Variants in LAMTOR2 observed in about 807,000 individuals in gnomAD.
LAMTOR2 encodes ragulator complex protein LAMTOR2.
LAMTOR2 carries 4 observed loss-of-function variants against 15.8 expected under a neutral mutation model. The ratio of observed to expected loss-of-function variants is 0.25; its 90% confidence interval spans 0.12 to 0.58. The LOEUF (loss-of-function observed/expected upper bound fraction) is 0.58, where lower values mean the gene tolerates loss of function less well. Among genes scored for constraint, LAMTOR2 ranks in the 20% least tolerant of loss-of-function variants. The pLI, the probability that LAMTOR2 is intolerant of heterozygous loss-of-function variation, is 0.91. For missense variants in LAMTOR2, 100 were observed against 161.0 expected, an observed-to-expected ratio of 0.62 and a Z score of 2.05; for synonymous variants, 62 against 64.1, an observed-to-expected ratio of 0.97 and a Z score of 0.15.
At position 156,058,286 on chromosome 1, in the gene LAMTOR2, C is replaced by T. The variant is rs374439956; in HGVS notation, c.322-29C>T. On this transcript the variant is annotated intron_variant, in intron 3 of 3. Coordinates refer to ENST00000368305, the MANE Select transcript of LAMTOR2 (RefSeq NM_014017.4). ...GGGGTCCCTAATGCCAGGCTGTGTG[C>T]GGGACTGATCTCTGTTCTCCCTCTG... 43 of 1,613,718 alleles carry T rather than the reference C, an allele frequency of 2.7e-5. No homozygotes were observed. In the Admixed American group the frequency reaches 4.8e-4, roughly 18 times the overall value.
chr1:156,056,262 A>G (rs1261374914), intron 2 of LAMTOR2, among the ~76,000 whole-genome samples: 3 of 152,184 alleles, frequency 2.0e-5, no homozygotes, highest in Non-Finnish European at 2.9e-5. Context: ...TTGGCCTCCC[A>G]AAGTGCTGGG....
chr1:156,058,091 T>C (rs745729015), intron 3 of LAMTOR2, 24 bp downstream of exon 3: 2 of 1,608,150 alleles, frequency 1.2e-6, no homozygotes, highest in East Asian at 4.5e-5. Flanking sequence ...CATCCCTCCA[T>C]AGCCCTGGGC....
intron 2 of LAMTOR2, among the ~76,000 whole-genome samples, chr1:156,056,874 A>C (rs1647387332): frequency 6.6e-6 from 1 of 152,122 alleles, no homozygotes; most frequent in Non-Finnish European, 1.5e-5. Flanking sequence ...ACCACAACCC[A>C]GCCATAAGAA....
In LAMTOR2 at chr1:156,057,505, CTTA is replaced by C. The variant is rs900621746; in HGVS notation, c.232-472_232-470del. ...TTGGTTTTTAATGCTGATCAACCTTCTTAATTTATCTCCTAACTGTGGGGTCAA... is the reference window on the plus strand; with the variant it reads ...TTGGTTTTTAATGCTGATCAACCTTCATTTATCTCCTAACTGTGGGGTCAA... On this transcript the variant is annotated intron_variant, in intron 2 of 3. Transcript: ENST00000368305. Among the ~76,000 whole-genome samples, 293 of 79,134 alleles carry C rather than the reference CTTA, an allele frequency of 3.7e-3. 2 individuals carry two copies. The highest frequency in any genetic ancestry group is 0.018 in the African/African-American group (280 of 15,466). 51.9% of individuals were successfully genotyped at this position (79,134 alleles called of 152,430 possible). A position where few individuals can be genotyped will look rare whatever the true frequency, so the allele number is the denominator to read the frequency against.
At chr1:156,056,728 G>C (rs1382642331) in intron 2 of LAMTOR2, among the ~76,000 whole-genome samples, 1 of 152,110 alleles carries the variant, frequency 6.6e-6, no homozygotes, top group Non-Finnish European at 1.5e-5. Flanking sequence ...GAACTCTCCA[G>C]GAAGGATCTT....
At chr1:156,058,113 G>A in intron 3 of LAMTOR2, 46 bp downstream of exon 3, 1 of 1,583,368 alleles carries the variant, frequency 6.3e-7, no homozygotes. Context: ...CAGCCTTCGT[G>A]CTTCTACACT....
intron 2 of LAMTOR2, among the ~76,000 whole-genome samples, chr1:156,056,419 C>T (rs555966114): frequency 5.3e-5 from 8 of 152,272 alleles, no homozygotes; most frequent in Non-Finnish European, 8.8e-5. Flanking sequence ...GGGACAGTCT[C>T]ACTGAAAAGG....
Position 156,055,223 on chromosome 1 carries a change from C to T in LAMTOR2, c.69-40C>T, listed in dbSNP as rs973442165. 3.1e-6 allele frequency: 5 copies of T among 1,610,884 alleles called. No individual in the cohort carries two copies. The African/African-American group carries it at 5.3e-5, about 17-fold the overall frequency. On this transcript the variant is annotated intron_variant, in intron 1 of 3. Transcript: ENST00000368305. This position sits in a 1 kb window ranked among gnomAD's most constrained non-coding sequence, Gnocchi z 4.8. The stretch of plus-strand genomic sequence containing the variant: ...ATGGAAACCCAGACGTTTTACTCCC[C>T]GCTCTGAGCACATCGCTATCCCTCC...
intron 3 of LAMTOR2, 67 bp downstream of exon 3, chr1:156,058,134 C>A (rs750681001): frequency 6.5e-7 from 1 of 1,527,800 alleles, no homozygotes; most frequent in Non-Finnish European, 9.1e-7. Context: ...GTGTTCACTC[C>A]CACCAGGACC....
chr1:156,057,771 G>A (rs1647421722), intron 2 of LAMTOR2, among the ~76,000 whole-genome samples: 1 of 152,198 alleles, frequency 6.6e-6, no homozygotes, highest in Non-Finnish European at 1.5e-5. Flanking sequence ...GAGTAACATG[G>A]TTAGTAGGTG....
At position 156,055,050 on chromosome 1, in the gene LAMTOR2, G is replaced by C. The variant is rs570975404; in HGVS notation, c.68+93G>C. The C allele has an allele frequency of 6.8e-7, 1 of 1,467,850 alleles. No individual in the cohort carries two copies. The highest frequency in any genetic ancestry group is 1.2e-5 in the South Asian group (1 of 86,772). The allele number at this position is 1,467,850 out of a possible 1,614,324, so 90.9% of individuals were successfully genotyped here. On this transcript the variant is annotated intron_variant, in intron 1 of 3. Transcript: ENST00000368305. The surrounding 1 kb of genome is among the most constrained non-coding windows in gnomAD (Gnocchi z 4.8). ...GGGTGGGGAAGGATCACCAGGAAGG[G>C]AGGAAGCGGCAGAGGGGGCAGCGGC...
chr1:156,054,933 A>C lies in LAMTOR2; in HGVS notation c.44A>C (p.Asn15Thr). 6.2e-7 allele frequency: 1 copy of C among 1,612,884 alleles called. No individual in the cohort carries two copies. The highest frequency in any genetic ancestry group is 8.5e-7 in the Non-Finnish European group (1 of 1,179,798). Residue 15 changes from asparagine (N) to threonine (T), a missense_variant, in exon 1 of 4, where the codon AAC becomes ACC. By Grantham distance (65) the Asn-to-Thr change is moderately conservative. Coordinates refer to ENST00000368305, the MANE Select transcript of LAMTOR2 (RefSeq NM_014017.4). ...KALTQVLSQA[N>T]TGGVQSTLLL... is the part of the protein sequence containing the mutation. ...TTGACCCAGGTGCTAAGCCAAGCCA[A>C]CACTGGAGGCGTCCAGAGCACCCTG... is the stretch of plus-strand genomic sequence containing the variant.
At position 156,054,827 on chromosome 1, in the gene LAMTOR2, A is replaced by G. The variant is rs995068354; in HGVS notation, c.-63A>G. 8 of 1,513,806 alleles carry G rather than the reference A, an allele frequency of 5.3e-6. No homozygotes were observed. Among genetic ancestry groups the G allele is most frequent in the African/African-American group, 1.4e-5 (1 of 72,836 alleles). 93.8% of individuals were successfully genotyped at this position (1,513,806 alleles called of 1,614,324 possible). A position where few individuals can be genotyped will look rare whatever the true frequency, so the allele number is the denominator to read the frequency against. On this transcript the variant is annotated 5_prime_UTR_variant, in exon 1 of 4. Transcript: ENST00000368305. Reference sequence around the variant, plus strand: ...AACGGGACTACGGGAAGCAGCGGGCAGCGGCCCGCGGGAGGCACCTCGGAG... The same window carrying G: ...AACGGGACTACGGGAAGCAGCGGGCGGCGGCCCGCGGGAGGCACCTCGGAG...
At position 156,054,893 on chromosome 1, in the gene LAMTOR2, C is replaced by T. The variant is rs1647279494; in HGVS notation, c.4C>T (p.Leu2=). The part of the protein sequence containing the change: M[L]RPKALTQVLS... ...CCCAGGGTTAGGAACCGTAGGCATG[C>T]TGCGCCCCAAGGCTTTGACCCAGGT... The change falls in exon 1 of 4, where the codon CTG becomes TTG. Residue 2 remains leucine (L), a synonymous_variant. Transcript: ENST00000368305. 1 of 1,612,978 alleles carries T rather than the reference C, an allele frequency of 6.2e-7. No homozygotes were observed. Among genetic ancestry groups the T allele is most frequent in the Non-Finnish European group, 8.5e-7 (1 of 1,179,794 alleles).
In LAMTOR2 at chr1:156,058,072, G is replaced by A. The variant is rs1327935524; in HGVS notation, c.321+5G>A. 3 of 1,613,800 alleles carry A rather than the reference G, an allele frequency of 1.9e-6. No individual in the cohort carries two copies. Among genetic ancestry groups the A allele is most frequent in the Non-Finnish European group, 2.5e-6 (3 of 1,179,786 alleles). ...TTTGGAATGCTCAAGGCCAAGGTGTGTATGTGCCCATCCCTCCATAGCCCT... is the reference window on the plus strand; with the variant it reads ...TTTGGAATGCTCAAGGCCAAGGTGTATATGTGCCCATCCCTCCATAGCCCT... On this transcript the variant is annotated splice_donor_5th_base_variant and intron_variant, in intron 3 of 3. Coordinates refer to ENST00000368305, the MANE Select transcript of LAMTOR2 (RefSeq NM_014017.4).
At chr1:156,057,896 TG>T (rs1443862361) in intron 2 of LAMTOR2, 81 bp from the exon 3 acceptor site, 1 of 1,313,672 alleles carries the variant, frequency 7.6e-7, no homozygotes, top group African/African-American at 1.4e-5. Flanking sequence ...ATAGTCTCTC[TG>T]GGGCCAGAGA....
In LAMTOR2 at chr1:156,054,830, G is replaced by A. The variant is rs1647273718; in HGVS notation, c.-60G>A. The A allele has an allele frequency of 2.6e-6, 4 of 1,548,206 alleles. No individual in the cohort carries two copies. The highest frequency in any genetic ancestry group is 4.6e-5 in the East Asian group (2 of 43,712). The stretch of plus-strand genomic sequence containing the variant: ...GGGACTACGGGAAGCAGCGGGCAGC[G>A]GCCCGCGGGAGGCACCTCGGAGATC... On this transcript the variant is annotated 5_prime_UTR_variant, in exon 1 of 4. Transcript: ENST00000368305.
intron 2 of LAMTOR2, chr1:156,056,113 C>T (rs1647357315): frequency 6.5e-6 from 1 of 153,154 alleles, no homozygotes; most frequent in African/African-American, 2.4e-5. Flanking sequence ...AGGTGATCCT[C>T]CTGCCCCAGC....
In LAMTOR2 at chr1:156,054,872, G is replaced by A. The variant is rs1558093786; in HGVS notation, c.-18G>A. 6.2e-7 allele frequency: 1 copy of A among 1,612,182 alleles called. No homozygotes were observed. The highest frequency in any genetic ancestry group is 8.5e-7 in the Non-Finnish European group (1 of 1,179,396). The stretch of plus-strand genomic sequence containing the variant: ...TCGGAGATCTGGGTGCAAAAGCCCA[G>A]GGTTAGGAACCGTAGGCATGCTGCG... On this transcript the variant is annotated 5_prime_UTR_variant, in exon 1 of 4. Coordinates refer to ENST00000368305, the MANE Select transcript of LAMTOR2 (RefSeq NM_014017.4).
Sources: allele counts gnomAD v4.1 joint callset (sites outside exome capture counted in the v4.1 genomes callset), GRCh38; gene constraint gnomAD v4.1.1; non-coding constraint Gnocchi (gnomAD v3.1); transcripts MANE v1.5; gene names NCBI Gene and HGNC (gene_info 2026-07-23, HGNC 2026-07-21).